Variants in DPT observed in about 807,000 individuals in gnomAD.
The protein encoded by DPT is dermatopontin.
Under a neutral mutation model 31.2 loss-of-function variants are expected in DPT, and 21 were observed. That is an observed-to-expected ratio of 0.67 (90% CI 0.48 to 0.97). The LOEUF is 0.97. DPT is among the 50% of genes least tolerant of loss of function. DPT has a pLI of 0.00. For synonymous variants in DPT, 91 were observed against 86.9 expected (o/e 1.05, Z -0.26); for missense variants, 262 against 258.8 (o/e 1.01, Z -0.08).
Position 168,728,939 on chromosome 1 carries a change from G to C in DPT, c.236C>G (p.Pro79Arg). The change falls in exon 1 of 4, where the codon CCC (proline) becomes CGC (arginine). Residue 79 changes from proline (P) to arginine (R), a missense_variant. Physicochemically the swap from Pro to Arg is moderately radical, Grantham distance 103. Transcript: ENST00000367817. ...SDRQWNYACM[P>R]TPQSLGEPTE... is the part of the protein sequence containing the mutation. ...GGGTTCCCCGAGGCTCTGTGGCGTG[G>C]GCATGCAGGCGTAGTTCCATTGTCT... is the stretch of plus-strand genomic sequence containing the variant. The C allele has an allele frequency of 1.2e-6, 2 of 1,614,176 alleles. No individual in the cohort carries two copies. The highest frequency in any genetic ancestry group is 1.7e-6 in the Non-Finnish European group (2 of 1,180,046).
At chr1:168,698,047 C>G (rs1346845686) in intron 3 of DPT, among the ~76,000 whole-genome samples, 1 of 152,184 alleles carries the variant, frequency 6.6e-6, no homozygotes, top group African/African-American at 2.4e-5. Flanking sequence ...TTATCTATCT[C>G]CCTTTTCAAT....
At chr1:168,723,274 T>C (rs1032618290) in intron 1 of DPT, among the ~76,000 whole-genome samples, 1 of 152,240 alleles carries the variant, frequency 6.6e-6, no homozygotes, top group African/African-American at 2.4e-5. Context: ...GCTCAGGTCC[T>C]CCGTCTGCCA....
intron 1 of DPT, among the ~76,000 whole-genome samples, chr1:168,723,074 T>A (rs1650161157): frequency 6.6e-6 from 1 of 152,202 alleles, no homozygotes; most frequent in African/African-American, 2.4e-5. Flanking sequence ...GTGACCTAGA[T>A]GGAAAGTTGG....
intron 1 of DPT, among the ~76,000 whole-genome samples, chr1:168,727,261 G>A (rs1407888317): frequency 6.6e-6 from 1 of 152,186 alleles, no homozygotes; most frequent in Non-Finnish European, 1.5e-5. Context: ...CAGCTTTCTA[G>A]CCGAGGAAAT....
At chr1:168,724,063 CT>C (rs1315192932) in intron 1 of DPT, among the ~76,000 whole-genome samples, 1 of 152,114 alleles carries the variant, frequency 6.6e-6, no homozygotes, top group Non-Finnish European at 1.5e-5. Context: ...GCATTTAGCC[CT>C]TATGGCTTTT....
At chr1:168,702,812 A>G (rs949697778) in intron 2 of DPT, among the ~76,000 whole-genome samples, 31 of 152,114 alleles carry the variant, frequency 2.0e-4, no homozygotes, top group African/African-American at 7.5e-4. Flanking sequence ...GGGTTTCACC[A>G]TGTTGGCCAG....
chr1:168,721,184 G>A lies in DPT; in HGVS notation c.306-6838C>T, dbSNP rs555557230. Among the ~76,000 whole-genome samples, 5 of 152,338 alleles carry A rather than the reference G, an allele frequency of 3.3e-5. No homozygotes were observed. In the South Asian group the frequency reaches 1.0e-3, roughly 32 times the overall value. Reference sequence around the variant, plus strand: ...GTGGCAAGGGACAGAGACAAACACAGTTGGGGGCAAGTTTGCCCAGTAAAA... The same window carrying A: ...GTGGCAAGGGACAGAGACAAACACAATTGGGGGCAAGTTTGCCCAGTAAAA... On this transcript the variant is annotated intron_variant, in intron 1 of 3. Transcript: ENST00000367817.
At chr1:168,712,176 G>A (rs1255091237) in intron 2 of DPT, among the ~76,000 whole-genome samples, 5 of 152,184 alleles carry the variant, frequency 3.3e-5, no homozygotes, top group Non-Finnish European at 7.3e-5. Context: ...GTAGAGAGGA[G>A]CAACTGTACA....
At chr1:168,705,989 C>T (rs71632378) in intron 2 of DPT, among the ~76,000 whole-genome samples, 3 of 145,908 alleles carry the variant, frequency 2.1e-5, no homozygotes, top group African/African-American at 8.2e-5. Context: ...TGTGAGGCTT[C>T]CTCAGCCATG....
chr1:168,698,594 G>A (rs139082411), intron 3 of DPT, among the ~76,000 whole-genome samples: 17 of 152,210 alleles, frequency 1.1e-4, no homozygotes, highest in African/African-American at 3.6e-4. Context: ...CCAGGACAGT[G>A]GGGGCAAATT....
At chr1:168,704,100 AGCTGTGACACTGG>A (rs1649663230) in intron 2 of DPT, among the ~76,000 whole-genome samples, 1 of 152,232 alleles carries the variant, frequency 6.6e-6, no homozygotes, top group South Asian at 2.1e-4. Flanking sequence ...GGGTTTCCTA[AGCTGTGACACTGG>A]GCTTTGCGAG....
intron 1 of DPT, among the ~76,000 whole-genome samples, chr1:168,726,779 C>T (rs1479911571): frequency 6.6e-6 from 1 of 152,228 alleles, no homozygotes; most frequent in Non-Finnish European, 1.5e-5. Context: ...AGGCAGTGGG[C>T]CTGGCTGTGA....
Position 168,696,118 on chromosome 1 carries a change from C to A in DPT, c.*431G>T. On this transcript the variant is annotated 3_prime_UTR_variant, in exon 4 of 4. Coordinates refer to ENST00000367817, the MANE Select transcript of DPT (RefSeq NM_001937.5). ...TGCTTTTGGTGGGGAACCTACGTAT[C>A]ATTCAAACAGGCTTAGCTGTAGAGA... is the stretch of plus-strand genomic sequence containing the variant. The A allele has an allele frequency of 2.5e-6, 1 of 403,918 alleles. No individual in the cohort carries two copies. The highest frequency in any genetic ancestry group is 1.2e-4 in the South Asian group (1 of 8,154). 25.0% of individuals were successfully genotyped at this position (403,918 alleles called of 1,614,324 possible).
chr1:168,723,377 C>A (rs11590043), intron 1 of DPT, among the ~76,000 whole-genome samples: 50,363 of 152,122 alleles, frequency 0.33, 8,830 homozygotes, highest in Middle Eastern at 0.38. Context: ...TTTTGAATAA[C>A]TCATGGGCAT....
intron 3 of DPT, among the ~76,000 whole-genome samples, chr1:168,697,654 G>A (rs1169048603): frequency 1.3e-5 from 2 of 152,176 alleles, no homozygotes; most frequent in African/African-American, 4.8e-5. Flanking sequence ...CACTCCTGTG[G>A]TCTAATACTG....
intron 1 of DPT, among the ~76,000 whole-genome samples, chr1:168,722,224 G>C (rs1650131638): frequency 6.6e-6 from 1 of 152,134 alleles, no homozygotes; most frequent in Non-Finnish European, 1.5e-5. Context: ...TTTTAAACAA[G>C]AGATCTAATG....
At chr1:168,728,115 C>G (rs1318989536) in intron 1 of DPT, among the ~76,000 whole-genome samples, 1 of 152,206 alleles carries the variant, frequency 6.6e-6, no homozygotes, top group African/African-American at 2.4e-5. Context: ...CAAAAAAGTA[C>G]AAGCTCGAAA....
intron 1 of DPT, among the ~76,000 whole-genome samples, chr1:168,727,601 G>A (rs1230246896): frequency 2.0e-5 from 3 of 149,954 alleles, no homozygotes; most frequent in Admixed American, 6.6e-5. Context: ...ACAGTGGTGC[G>A]AGCATGGCTC....
At chr1:168,721,344 C>T (rs1025466562) in intron 1 of DPT, among the ~76,000 whole-genome samples, 2 of 152,166 alleles carry the variant, frequency 1.3e-5, no homozygotes, top group Admixed American at 1.3e-4. Context: ...CAGTATTACA[C>T]AAAAACTAAA....
Sources: allele counts gnomAD v4.1 joint callset (sites outside exome capture counted in the v4.1 genomes callset), GRCh38; gene constraint gnomAD v4.1.1; transcripts MANE v1.5; gene names NCBI Gene and HGNC (gene_info 2026-07-23, HGNC 2026-07-21).